The following GRIN3A variants were observed in gnomAD, a reference collection of about 807,000 sequenced individuals.
GRIN3A encodes the protein glutamate ionotropic receptor NMDA type subunit 3A, also known as glutamate receptor ionotropic, NMDA 3A.
GRIN3A carries 47 observed loss-of-function variants against 92.4 expected under a neutral mutation model. The observed-to-expected ratio is 0.51, with a 90% confidence interval of 0.40 to 0.65. The LOEUF is 0.65. Ranked by LOEUF, GRIN3A falls within the 30% of genes least tolerant of loss-of-function variation. The pLI, the probability that GRIN3A is intolerant of heterozygous loss-of-function variation, is 0.00. For synonymous variants in GRIN3A, 527 were observed against 540.6 expected (o/e 0.97, Z 0.35); for missense variants, 1,324 against 1,393.1 (o/e 0.95, Z 0.79).
chr9:101,609,082 G>A (rs764798916), intron 6 of GRIN3A, among the ~76,000 whole-genome samples: 14 of 152,250 alleles, frequency 9.2e-5, no homozygotes, highest in Middle Eastern at 3.4e-3. Context: ...AGGCCTTCAC[G>A]CTTCGTGATT....
At chr9:101,582,650 A>G (rs1213721634) in intron 6 of GRIN3A, among the ~76,000 whole-genome samples, 1 of 152,226 alleles carries the variant, frequency 6.6e-6, no homozygotes, top group East Asian at 1.9e-4. Flanking sequence ...TGTACAGGAT[A>G]TGGCTATAAT....
intron 1 of GRIN3A, among the ~76,000 whole-genome samples, chr9:101,713,052 T>C (rs1216023437): frequency 2.6e-5 from 4 of 152,238 alleles, no homozygotes; most frequent in African/African-American, 9.6e-5. Context: ...CTGGGTCTTC[T>C]GGCTCTTAAT....
chr9:101,611,551 GC>G (rs1344706264), intron 6 of GRIN3A, among the ~76,000 whole-genome samples: 1 of 152,168 alleles, frequency 6.6e-6, no homozygotes, highest in Non-Finnish European at 1.5e-5. Context: ...CCCGATGTAT[GC>G]TTTTGCCTTC....
chr9:101,709,673 C>T (rs1219214030), intron 1 of GRIN3A, among the ~76,000 whole-genome samples: 1 of 152,208 alleles, frequency 6.6e-6, no homozygotes, highest in African/African-American at 2.4e-5. Flanking sequence ...GCCTTCCTCT[C>T]AAAGTTGTTT....
Position 101,686,778 on chromosome 9 carries a change from G to C in GRIN3A, c.1122C>G (p.Leu374=). The C allele has an allele frequency of 1.9e-6, 3 of 1,614,122 alleles. No individual in the cohort carries two copies. Among genetic ancestry groups the C allele is most frequent in the Non-Finnish European group, 2.5e-6 (3 of 1,179,980 alleles). Residue 374 remains leucine, a synonymous_variant, in exon 2 of 9, where the codon CTC becomes CTG. Transcript: ENST00000361820. ...ELRTEGLPLG[L]IAHGKTTQSV... ...ACTGTGTTGTTTTTCCATGAGCAAT[G>C]AGCCCTAAGGGCAGACCCTCTGTCC... is the stretch of plus-strand genomic sequence containing the variant.
At chr9:101,673,984 C>T (rs192980160) in intron 2 of GRIN3A, among the ~76,000 whole-genome samples, 16 of 152,048 alleles carry the variant, frequency 1.1e-4, no homozygotes, top group Admixed American at 8.5e-4. Flanking sequence ...AGGAAAGTTT[C>T]GTAGAGGAGG....
intron 5 of GRIN3A, among the ~76,000 whole-genome samples, chr9:101,617,753 C>G (rs955052780): frequency 1.4e-5 from 2 of 147,754 alleles, no homozygotes; most frequent in Non-Finnish European, 3.0e-5. Context: ...ACCCACTACT[C>G]GTCATCTAGC....
chr9:101,651,642 G>GCA lies in GRIN3A; in HGVS notation c.2352+18417_2352+18418insTG, dbSNP rs1554720002. 5.1e-4 allele frequency among the ~76,000 whole-genome samples: 71 copies of GCA among 138,094 alleles called. 3 individuals are homozygous for GCA. The South Asian group carries it at 0.016, about 31-fold the overall frequency. 90.6% of individuals were successfully genotyped at this position (138,094 alleles called of 152,430 possible). On this transcript the variant is annotated intron_variant, in intron 3 of 8. Transcript: ENST00000361820. ...GATGTATGCAATAAATCCATTGTGT[G>GCA]TGTGTGTGTGTGTGTGTGTGTGTGT...
At chr9:101,729,474 A>G (rs1830115595) in intron 1 of GRIN3A, among the ~76,000 whole-genome samples, 1 of 151,938 alleles carries the variant, frequency 6.6e-6, no homozygotes, top group Non-Finnish European at 1.5e-5. Context: ...AATGTGTGTC[A>G]CTCCAGTCTC....
intron 2 of GRIN3A, among the ~76,000 whole-genome samples, chr9:101,679,833 A>T (rs1447362457): frequency 6.6e-6 from 1 of 152,204 alleles, no homozygotes; most frequent in Non-Finnish European, 1.5e-5. Flanking sequence ...TCTTTTAAGT[A>T]CATGTTGAAA....
At chr9:101,638,318 C>T (rs1170188871) in intron 3 of GRIN3A, among the ~76,000 whole-genome samples, 1 of 152,190 alleles carries the variant, frequency 6.6e-6, no homozygotes, top group Non-Finnish European at 1.5e-5. Flanking sequence ...GGTTCTATCT[C>T]TTTGTTTCTT....
At chr9:101,693,184 A>G (rs1015718942) in intron 1 of GRIN3A, among the ~76,000 whole-genome samples, 2 of 151,458 alleles carry the variant, frequency 1.3e-5, no homozygotes, top group Non-Finnish European at 2.9e-5. Context: ...GTGGTAGATC[A>G]CCTGAGGTCA....
chr9:101,724,776 C>T lies in GRIN3A; in HGVS notation c.699+12505G>A, dbSNP rs565942082. Among the ~76,000 whole-genome samples, 33 of 152,356 alleles carry T rather than the reference C, an allele frequency of 2.2e-4. No homozygotes were observed. In the East Asian group the frequency reaches 6.4e-3, roughly 29 times the overall value. Reference sequence around the variant, plus strand: ...CCACCATGTAAGAAGTGCCTTTCACCTCCGGCTGTGATTCTGAGGCCTCCC... The same window carrying T: ...CCACCATGTAAGAAGTGCCTTTCACTTCCGGCTGTGATTCTGAGGCCTCCC... On this transcript the variant is annotated intron_variant, in intron 1 of 8. Transcript: ENST00000361820.
chr9:101,628,432 A>G (rs1452297882), intron 3 of GRIN3A, 31 bp from the exon 4 acceptor site: 2 of 1,602,682 alleles, frequency 1.2e-6, no homozygotes, highest in Non-Finnish European at 8.5e-7. Context: ...TGGCTTAAAT[A>G]AAAATTATTC....
chr9:101,685,930 G>T (rs1829528176), intron 2 of GRIN3A, among the ~76,000 whole-genome samples: 1 of 151,812 alleles, frequency 6.6e-6, no homozygotes, highest in African/African-American at 2.4e-5. Flanking sequence ...GGAAATTAAG[G>T]CTCAGAGAAG....
intron 3 of GRIN3A, among the ~76,000 whole-genome samples, chr9:101,661,150 G>A (rs1829166623): frequency 6.6e-6 from 1 of 151,796 alleles, no homozygotes; most frequent in African/African-American, 2.4e-5. Flanking sequence ...TACTCATTGA[G>A]GTACTCATCT....
intron 6 of GRIN3A, among the ~76,000 whole-genome samples, chr9:101,586,226 A>G (rs1450498194): frequency 6.6e-6 from 1 of 152,116 alleles, no homozygotes; most frequent in African/African-American, 2.4e-5. Context: ...CTCTCTTGAC[A>G]TAGTATGTGT....
intron 3 of GRIN3A, 50 bp from the exon 4 acceptor site, chr9:101,628,451 G>A (rs1828666588): frequency 1.9e-6 from 3 of 1,552,360 alleles, no homozygotes; most frequent in Admixed American, 3.4e-5. Flanking sequence ...TCTTAGAAGT[G>A]TTTTTTAACA....
At chr9:101,617,061 G>A (rs1338533352) in intron 5 of GRIN3A, among the ~76,000 whole-genome samples, 6 of 150,318 alleles carry the variant, frequency 4.0e-5, no homozygotes, top group African/African-American at 9.9e-5. Flanking sequence ...TTAGCCGGGC[G>A]TGGTGGCGGG....
Sources: gnomAD v4.1 joint callset for allele counts (sites outside exome capture counted in the v4.1 genomes callset) on GRCh38, gnomAD v4.1.1 for gene constraint, MANE v1.5 for transcripts, NCBI Gene and HGNC (gene_info 2026-07-23, HGNC 2026-07-21) for gene names.